The following SETD3 variants were observed in gnomAD, a reference collection of about 807,000 sequenced individuals.
The protein encoded by SETD3 is actin-histidine N-methyltransferase.
In SETD3, 19 loss-of-function variants were observed where a neutral mutation model predicts 63.0. The ratio of observed to expected loss-of-function variants is 0.30; its 90% CI spans 0.21 to 0.44. SETD3 has a LOEUF of 0.44. SETD3 is among the 20% of genes least tolerant of loss of function. The pLI, the probability that SETD3 is intolerant of heterozygous loss-of-function variation, is 1.00. For synonymous variants in SETD3, 286 were observed against 264.1 expected, an observed-to-expected ratio of 1.08 and a Z score of -0.80; for missense variants, 587 against 728.5, an observed-to-expected ratio of 0.81 and a Z score of 2.24.
chr14:99,486,200 C>G, the SETD3 span, among the ~76,000 whole-genome samples: 9 of 152,218 alleles, frequency 5.9e-5, no homozygotes, highest in Admixed American at 2.6e-4. Context: ...TGGTTTAAAG[C>G]TGACATCCCA....
intron 11 of SETD3, among the ~76,000 whole-genome samples, chr14:99,402,315 C>A (rs1241825971): frequency 2.0e-5 from 3 of 152,206 alleles, no homozygotes; most frequent in Non-Finnish European, 2.9e-5. Context: ...ATGTCCTGCA[C>A]GTGGGCTCTG....
In SETD3 at chr14:99,477,509, C is replaced by A. The variant is rs554400089; in HGVS notation, c.-9+3219G>T. 1.0e-3 allele frequency among the ~76,000 whole-genome samples: 153 copies of A among 152,114 alleles called. 2 individuals are homozygous for A. In the Middle Eastern group the frequency reaches 0.01, roughly 10 times the overall value. On this transcript the variant is annotated intron_variant, in intron 1 of 12. Transcript: ENST00000331768. ...GTGGCTCACGCCTGTAATCCCAGCA[C>A]TTTGGGAGGCTGAGGTGGGCGGATC... is the stretch of plus-strand genomic sequence containing the variant.
At chr14:99,428,396 G>A (rs1892997966) in intron 6 of SETD3, among the ~76,000 whole-genome samples, 1 of 152,162 alleles carries the variant, frequency 6.6e-6, no homozygotes, top group Non-Finnish European at 1.5e-5. Context: ...TGTAATCCTA[G>A]CATTTTGGGA....
At chr14:99,463,179 A>G (rs1366492192) in intron 3 of SETD3, among the ~76,000 whole-genome samples, 1 of 152,270 alleles carries the variant, frequency 6.6e-6, no homozygotes, top group Non-Finnish European at 1.5e-5. Context: ...CCTGAAACTC[A>G]AAAGGAAATA....
Position 99,398,619 on chromosome 14 carries a change from G to A in SETD3, c.*60C>T. ...AATGTTAACAAGGAAACACAGCGATGTGAACGGACTGTCCGTCAACTCCTG... is the reference window on the plus strand; with the variant it reads ...AATGTTAACAAGGAAACACAGCGATATGAACGGACTGTCCGTCAACTCCTG... On this transcript the variant is annotated 3_prime_UTR_variant, in exon 13 of 13. Transcript: ENST00000331768. 8 of 1,451,538 alleles carry A rather than the reference G, an allele frequency of 5.5e-6. No individual in the cohort carries two copies. Among genetic ancestry groups the A allele is most frequent in the Non-Finnish European group, 7.6e-6 (8 of 1,049,760 alleles). 89.9% of individuals were successfully genotyped at this position (1,451,538 alleles called of 1,614,324 possible).
chr14:99,463,411 A>T, intron 3 of SETD3, 75 bp downstream of exon 3: 3 of 1,119,810 alleles, frequency 2.7e-6, no homozygotes, highest in Non-Finnish European at 3.9e-6. Flanking sequence ...GACCTTTACT[A>T]CTCGTCAACC....
intron 7 of SETD3, chr14:99,413,308 C>T (rs1892107688): frequency 2.2e-6 from 1 of 459,982 alleles, no homozygotes; most frequent in East Asian, 4.0e-5. Flanking sequence ...GCCAGAAGGA[C>T]GGCTTTGCGC....
At chr14:99,424,695 G>A (rs1892782914) in intron 6 of SETD3, among the ~76,000 whole-genome samples, 1 of 151,972 alleles carries the variant, frequency 6.6e-6, no homozygotes, top group Non-Finnish European at 1.5e-5. Flanking sequence ...GGGGAGGAGA[G>A]GAGGACATAA....
intron 8 of SETD3, chr14:99,410,094 T>C: frequency 2.1e-6 from 2 of 949,798 alleles, no homozygotes; most frequent in Non-Finnish European, 3.4e-6. Flanking sequence ...GGCGTAGTCA[T>C]TCCACATAGG....
intron 5 of SETD3, 130 bp from the exon 6 acceptor site, chr14:99,458,665 C>A: frequency 8.7e-7 from 1 of 1,146,340 alleles, no homozygotes; most frequent in Non-Finnish European, 1.2e-6. Context: ...AGGCTGGGCG[C>A]AGTGGCTCAC....
At chr14:99,416,653 T>C (rs1892306619) in intron 6 of SETD3, among the ~76,000 whole-genome samples, 1 of 152,088 alleles carries the variant, frequency 6.6e-6, no homozygotes, top group Non-Finnish European at 1.5e-5. Flanking sequence ...CTCTCAGGCA[T>C]GGGGGGCCCA....
chr14:99,435,303 G>C (rs1893417009), intron 6 of SETD3, among the ~76,000 whole-genome samples: 2 of 152,250 alleles, frequency 1.3e-5, no homozygotes, highest in South Asian at 4.2e-4. Flanking sequence ...TGCCTCTCAA[G>C]TTTTCTTGGC....
At chr14:99,468,438 C>T (rs181335840) in intron 1 of SETD3, among the ~76,000 whole-genome samples, 83 of 152,310 alleles carry the variant, frequency 5.4e-4, no homozygotes, top group Middle Eastern at 3.4e-3. Flanking sequence ...GCTAACATTG[C>T]TATCTTCTCT....
At chr14:99,485,884 C>T (rs1054717558), upstream of SETD3, among the ~76,000 whole-genome samples, 3 of 152,106 alleles carry the variant, frequency 2.0e-5, no homozygotes, top group African/African-American at 7.2e-5. Context: ...AAAGAATAAC[C>T]TATTTCCTAG....
Position 99,446,477 on chromosome 14 carries a change from T to A in SETD3, c.675+11802A>T, listed in dbSNP as rs149749613. ...GCCCACAGCGGGCATTGCCTAACCT[T>A]CCTTGGTTAGGATGCCAGCCCCAAG... On this transcript the variant is annotated intron_variant, in intron 6 of 12. Transcript: ENST00000331768. Among the ~76,000 whole-genome samples the A allele has an allele frequency of 8.4e-4, 128 of 152,254 alleles. 1 individual carries two copies. Among genetic ancestry groups the A allele is most frequent in the African/African-American group, 3.0e-3 (123 of 41,554 alleles).
chr14:99,421,372 C>G (rs1346698510), intron 6 of SETD3, among the ~76,000 whole-genome samples: 2 of 151,342 alleles, frequency 1.3e-5, no homozygotes, highest in Non-Finnish European at 1.5e-5. Flanking sequence ...TTCAGGATAA[C>G]TACGTTGGAC....
chr14:99,421,196 A>C (rs2139664401), intron 6 of SETD3, among the ~76,000 whole-genome samples: 1 of 151,704 alleles, frequency 6.6e-6, no homozygotes, highest in Non-Finnish European at 1.5e-5. Context: ...TATACTTCCA[A>C]CTCCTCCATC....
chr14:99,400,345 T>C, intron 11 of SETD3, 86 bp from the exon 12 acceptor site: 1 of 1,397,816 alleles, frequency 7.2e-7, no homozygotes. Flanking sequence ...AAAATATTGT[T>C]TCCAACAACG....
intron 6 of SETD3, among the ~76,000 whole-genome samples, chr14:99,427,135 C>A (rs1431307637): frequency 6.6e-6 from 1 of 152,174 alleles, no homozygotes; most frequent in East Asian, 1.9e-4. Flanking sequence ...TGCAAATTAA[C>A]CTTTTAGCTC....
Sources: allele counts gnomAD v4.1 joint callset (sites outside exome capture counted in the v4.1 genomes callset), GRCh38; gene constraint gnomAD v4.1.1; transcripts MANE v1.5; gene names NCBI Gene and HGNC (gene_info 2026-07-23, HGNC 2026-07-21).